The following FAM227B variants were observed in gnomAD, a reference collection of about 807,000 sequenced individuals.
The protein encoded by FAM227B is protein FAM227B.
Under a neutral mutation model 73.8 loss-of-function variants are expected in FAM227B, and 88 were observed. The ratio of observed to expected loss-of-function variants is 1.19; its 90% CI spans 1.00 to 1.42. The LOEUF is 1.42. FAM227B is among the 40% of genes most tolerant of loss of function. FAM227B has a pLI of 0.00. For synonymous variants in FAM227B, 210 were observed against 190.5 expected (o/e 1.10, Z -0.84); for missense variants, 632 against 590.9 (o/e 1.07, Z -0.72).
At chr15:49,614,951 G>C (rs2078194379) in intron 2 of FAM227B, 170 bp downstream of exon 2, 1 of 662,756 alleles carries the variant, frequency 1.5e-6, no homozygotes, top group Non-Finnish European at 2.7e-6. Flanking sequence ...TTCTTCCTTG[G>C]CAATACTCAT....
chr15:49,576,711 A>G, intron 7 of FAM227B, 30 bp downstream of exon 7: 1 of 1,222,032 alleles, frequency 8.2e-7, no homozygotes. Flanking sequence ...GTCAAAATGT[A>G]TCCTACAATA....
chr15:49,602,791 AG>A (rs1254442437), intron 3 of FAM227B, among the ~76,000 whole-genome samples: 5 of 152,180 alleles, frequency 3.3e-5, no homozygotes, highest in Admixed American at 2.6e-4. Flanking sequence ...CCTAAATTTA[AG>A]TCTTTAATCC....
chr15:49,575,176 T>C (rs1272630933), intron 7 of FAM227B, 67 bp from the exon 8 acceptor site: 2 of 865,568 alleles, frequency 2.3e-6, no homozygotes, highest in African/African-American at 1.7e-5. Flanking sequence ...TTAATGTAAA[T>C]AGGCTTTATA....
intron 10 of FAM227B, 88 bp downstream of exon 10, chr15:49,541,592 A>G: frequency 3.4e-6 from 4 of 1,184,750 alleles, no homozygotes; most frequent in Non-Finnish European, 4.4e-6. Context: ...AGAACTACCA[A>G]TATTTTTGGA....
At chr15:49,540,473 T>G (rs545680203) in intron 10 of FAM227B, among the ~76,000 whole-genome samples, 1 of 152,340 alleles carries the variant, frequency 6.6e-6, no homozygotes, top group South Asian at 2.1e-4. Context: ...GGACTATTTT[T>G]GTTCATGGGT....
At chr15:49,501,329 C>T (rs527588160) in intron 11 of FAM227B, among the ~76,000 whole-genome samples, 1 of 152,200 alleles carries the variant, frequency 6.6e-6, no homozygotes, top group Admixed American at 6.5e-5. Context: ...GAAGCCCAGG[C>T]TGATGAGGTC....
At chr15:49,474,818 G>A (rs989998595) in intron 11 of FAM227B, among the ~76,000 whole-genome samples, 8 of 152,044 alleles carry the variant, frequency 5.3e-5, no homozygotes, top group Admixed American at 3.9e-4. Flanking sequence ...TAGGTTGCGT[G>A]CTCCGTACGA....
At chr15:49,553,139 G>A (rs1483200455) in intron 9 of FAM227B, among the ~76,000 whole-genome samples, 1 of 152,114 alleles carries the variant, frequency 6.6e-6, no homozygotes, top group Admixed American at 6.5e-5. Context: ...AAAGAGCTTG[G>A]GTGTTGTGAT....
At chr15:49,465,631 T>TG (rs2054203852) in intron 11 of FAM227B, among the ~76,000 whole-genome samples, 1 of 152,116 alleles carries the variant, frequency 6.6e-6, no homozygotes, top group Non-Finnish European at 1.5e-5. Flanking sequence ...CAGAGATATT[T>TG]GGGGTTCTCT....
chr15:49,499,936 G>T (rs2058002427), intron 11 of FAM227B, among the ~76,000 whole-genome samples: 1 of 152,104 alleles, frequency 6.6e-6, no homozygotes, highest in Non-Finnish European at 1.5e-5. Context: ...GTGAAATTGG[G>T]TTCACAAATA....
intron 11 of FAM227B, among the ~76,000 whole-genome samples, chr15:49,436,383 T>C (rs2051107336): frequency 6.6e-6 from 1 of 151,620 alleles, no homozygotes; most frequent in South Asian, 2.1e-4. Flanking sequence ...ATATATAGAA[T>C]CTTGCTTTAA....
In FAM227B at chr15:49,384,621, A is replaced by G. The variant is rs187549836; in HGVS notation, c.1013-13222T>C. ...GTGTGACTTTCCTACCAACAGAATT[A>G]AACAGTCATATTATACCAGATTGGC... is the stretch of plus-strand genomic sequence containing the variant. On this transcript the variant is annotated intron_variant, in intron 11 of 15. Transcript: ENST00000299338. Among the ~76,000 whole-genome samples, 296 of 152,160 alleles carry G rather than the reference A, an allele frequency of 1.9e-3. 2 individuals are homozygous for G. The highest frequency in any genetic ancestry group is 6.9e-3 in the African/African-American group (286 of 41,550).
intron 9 of FAM227B, among the ~76,000 whole-genome samples, chr15:49,543,873 C>T (rs1349267713): frequency 6.6e-6 from 1 of 152,102 alleles, no homozygotes. Context: ...TATTTTTATA[C>T]TAGTACCATG....
At chr15:49,527,980 T>C (rs554618483) in intron 10 of FAM227B, among the ~76,000 whole-genome samples, 8 of 152,004 alleles carry the variant, frequency 5.3e-5, no homozygotes, top group Non-Finnish European at 8.8e-5. Context: ...CTAATGTCTT[T>C]TTTTGACAGG....
chr15:49,458,603 T>C (rs930483990), intron 11 of FAM227B, among the ~76,000 whole-genome samples: 1 of 152,144 alleles, frequency 6.6e-6, no homozygotes, highest in Non-Finnish European at 1.5e-5. Context: ...CTTGTCTTTA[T>C]AGAAATCAGA....
chr15:49,520,332 AC>A (rs2152160343), intron 10 of FAM227B, among the ~76,000 whole-genome samples: 1 of 152,034 alleles, frequency 6.6e-6, no homozygotes, highest in Admixed American at 6.6e-5. Context: ...GAAGTTCCAA[AC>A]TTTTCCACAT....
chr15:49,609,156 G>A (rs1001127263), intron 3 of FAM227B, among the ~76,000 whole-genome samples: 2 of 151,558 alleles, frequency 1.3e-5, no homozygotes, highest in African/African-American at 2.4e-5. Context: ...AACAATAGTG[G>A]AAAAAGAAGA....
Position 49,327,770 on chromosome 15 carries a change from A to G in FAM227B, c.*798T>C. The G allele has an allele frequency of 1.9e-6, 1 of 516,466 alleles. No individual in the cohort carries two copies. The highest frequency in any genetic ancestry group is 3.3e-6 in the Non-Finnish European group (1 of 306,580). 32.0% of individuals were successfully genotyped at this position (516,466 alleles called of 1,614,324 possible). On this transcript the variant is annotated 3_prime_UTR_variant, in exon 16 of 16. Transcript: ENST00000299338. ...GACTAGATTTAGATACAATGAAAAA[A>G]TTCCAAATCACTCTCTGAAACAGTA...
intron 10 of FAM227B, among the ~76,000 whole-genome samples, chr15:49,514,110 G>C (rs1395423132): frequency 3.9e-5 from 6 of 152,092 alleles, no homozygotes; most frequent in African/African-American, 1.4e-4. Context: ...GAATTTTAAA[G>C]TAGTTTTTGC....
Sources: gnomAD v4.1 joint callset for allele counts (sites outside exome capture counted in the v4.1 genomes callset) on GRCh38, gnomAD v4.1.1 for gene constraint, MANE v1.5 for transcripts, NCBI Gene and HGNC (gene_info 2026-07-23, HGNC 2026-07-21) for gene names.